Variants in ADGRL2 observed in about 807,000 individuals in gnomAD.
ADGRL2 encodes calcium-independent alpha-latrotoxin receptor 2.
Under a neutral mutation model 157.4 loss-of-function variants are expected in ADGRL2, and 44 were observed. The ratio of observed to expected loss-of-function variants is 0.28; its 90% CI spans 0.22 to 0.36. The LOEUF (loss-of-function observed/expected upper bound fraction) is 0.36, where lower values mean the gene tolerates loss of function less well. Among genes scored for constraint, ADGRL2 ranks in the 10% least tolerant of loss-of-function variants. The pLI, the probability that ADGRL2 is intolerant of heterozygous loss-of-function variation, is 1.00. For synonymous variants in ADGRL2, 585 were observed against 624.7 expected (o/e 0.94, Z 0.95); for missense variants, 1,510 against 1,768.9 (o/e 0.85, Z 2.63).
At chr1:81,987,515 T>C (rs1663528061) in intron 22 of ADGRL2, 1 of 614,900 alleles carries the variant, frequency 1.6e-6, no homozygotes, top group South Asian at 2.0e-5. Flanking sequence ...TAGTTTTCTT[T>C]TTTCTTAAGA....
At chr1:81,835,857 A>G (rs1192838983) in intron 1 of ADGRL2, among the ~76,000 whole-genome samples, 2 of 152,090 alleles carry the variant, frequency 1.3e-5, no homozygotes, top group Non-Finnish European at 2.9e-5. Flanking sequence ...TGTGTTCTTA[A>G]TAAAGCAAGA....
chr1:81,987,285 A>G, intron 22 of ADGRL2: 1 of 1,595,448 alleles, frequency 6.3e-7, no homozygotes, highest in East Asian at 2.2e-5. Context: ...ATATATTATT[A>G]CAGGACTGAC....
chr1:81,343,233 G>T (rs779167791), intron 1 of ADGRL2, among the ~76,000 whole-genome samples: 13 of 151,356 alleles, frequency 8.6e-5, no homozygotes, highest in Non-Finnish European at 1.5e-4. Flanking sequence ...GGGATTACAG[G>T]CACGTGCCAC....
At chr1:81,426,887 T>C (rs2077227108) in intron 1 of ADGRL2, 1 of 654,900 alleles carries the variant, frequency 1.5e-6, no homozygotes, top group Non-Finnish European at 2.8e-6. Flanking sequence ...TTGAGACTAC[T>C]TTGAAAAGTA....
intron 3 of ADGRL2, among the ~76,000 whole-genome samples, chr1:81,690,937 C>A (rs1420499116): frequency 6.6e-6 from 1 of 152,270 alleles, no homozygotes; most frequent in African/African-American, 2.4e-5. Context: ...GAAATAAAGT[C>A]TTTACAGAAG....
intron 3 of ADGRL2, among the ~76,000 whole-genome samples, chr1:81,911,423 A>G (rs902730191): frequency 6.6e-6 from 1 of 152,178 alleles, no homozygotes; most frequent in Admixed American, 6.5e-5. Context: ...TAACAAATTA[A>G]TGAGAATTTT....
chr1:81,834,034 G>A (rs1280563243), intron 1 of ADGRL2, among the ~76,000 whole-genome samples: 2 of 152,112 alleles, frequency 1.3e-5, no homozygotes, highest in South Asian at 2.1e-4. Flanking sequence ...TAGGTTGTAC[G>A]TTAGAAGTGG....
chr1:81,571,371 T>A (rs866540632), intron 2 of ADGRL2, among the ~76,000 whole-genome samples: 102 of 146,850 alleles, frequency 6.9e-4, no homozygotes, highest in South Asian at 1.3e-3. Flanking sequence ...TAATATATAT[T>A]TGTATATATG....
At chr1:81,521,447 TCA>T (rs1208213975) in intron 2 of ADGRL2, among the ~76,000 whole-genome samples, 3 of 152,170 alleles carry the variant, frequency 2.0e-5, no homozygotes, top group Non-Finnish European at 4.4e-5. Context: ...CATGAAGGTA[TCA>T]CAGATTTCTT....
intron 2 of ADGRL2, among the ~76,000 whole-genome samples, chr1:81,483,019 T>C (rs2078422973): frequency 6.6e-6 from 1 of 152,082 alleles, no homozygotes; most frequent in African/African-American, 2.4e-5. Context: ...TATTTTTTTA[T>C]TTAATTTGTT....
intron 2 of ADGRL2, among the ~76,000 whole-genome samples, chr1:81,477,828 G>A (rs540991745): frequency 5.3e-5 from 8 of 152,316 alleles, no homozygotes; most frequent in African/African-American, 1.9e-4. Context: ...TTCAGGTCGT[G>A]TTGTGTTCTC....
chr1:81,791,960 C>T (rs2087370266), intron 2 of ADGRL2, among the ~76,000 whole-genome samples: 1 of 152,010 alleles, frequency 6.6e-6, no homozygotes. Flanking sequence ...TCTATAAATC[C>T]TTATGTCCTA....
At chr1:81,698,715 C>G (rs2083495907), upstream of ADGRL2, among the ~76,000 whole-genome samples, 1 of 152,168 alleles carries the variant, frequency 6.6e-6, no homozygotes, top group African/African-American at 2.4e-5. Context: ...AAGTCAAATG[C>G]ATGACCTTTC....
At chr1:81,817,565 C>T (rs997759597) in intron 1 of ADGRL2, among the ~76,000 whole-genome samples, 1 of 151,928 alleles carries the variant, frequency 6.6e-6, no homozygotes, top group African/African-American at 2.4e-5. Context: ...GTACAAATAT[C>T]TAATAATGTA....
At position 81,990,906 on chromosome 1, in the gene ADGRL2, T is replaced by C. The variant is rs1463977902; in HGVS notation, c.4171T>C (p.Ser1391Pro). ...TACAAGCATGCCCAATCTTAGAGAC[T>C]CTCCCTATCCGGAGAGCAGCCCTGA... ...LYTSMPNLRDSPYPESSPDME... is the reference protein window; with the variant it reads ...LYTSMPNLRDPPYPESSPDME... Residue 1391 changes from serine to proline, a missense_variant, in exon 24 of 24, where the codon TCT (serine) becomes CCT (proline). Ser to Pro is a moderately conservative substitution (Grantham distance 74, BLOSUM62 -1). Transcript: ENST00000686636. 1 of 1,613,754 alleles carries C rather than the reference T, an allele frequency of 6.2e-7. No individual in the cohort carries two copies. Among genetic ancestry groups the C allele is most frequent in the Non-Finnish European group, 8.5e-7 (1 of 1,179,966 alleles).
At chr1:81,828,628 C>G (rs970675511) in intron 1 of ADGRL2, among the ~76,000 whole-genome samples, 1 of 151,862 alleles carries the variant, frequency 6.6e-6, no homozygotes, top group Non-Finnish European at 1.5e-5. Context: ...TATTAAATGT[C>G]ACTGCTTTAT....
intron 1 of ADGRL2, among the ~76,000 whole-genome samples, chr1:81,744,142 G>A (rs999970871): frequency 1.3e-5 from 2 of 152,100 alleles, no homozygotes; most frequent in Non-Finnish European, 2.9e-5. Flanking sequence ...ATTCCTGATA[G>A]ATGTTTAAGT....
At chr1:81,390,208 A>AT (rs2101111511) in intron 1 of ADGRL2, among the ~76,000 whole-genome samples, 1 of 152,422 alleles carries the variant, frequency 6.6e-6, no homozygotes, top group Admixed American at 6.5e-5. Flanking sequence ...TAATATTAAT[A>AT]TTTTATGAGC....
chr1:81,338,906 G>C (rs10874218), intron 1 of ADGRL2, among the ~76,000 whole-genome samples: 87,509 of 152,000 alleles, frequency 0.58, 25,573 homozygotes, highest in African/African-American at 0.64. Context: ...CTTCTTTCTC[G>C]TGTTTTGAAA....
Sources: allele counts gnomAD v4.1 joint callset (sites outside exome capture counted in the v4.1 genomes callset), GRCh38; gene constraint gnomAD v4.1.1; transcripts MANE v1.5; gene names NCBI Gene and HGNC (gene_info 2026-07-23, HGNC 2026-07-21).